Variants in CCDC93 observed in about 807,000 individuals in gnomAD.
CCDC93 encodes coiled-coil domain-containing protein 93.
CCDC93 carries 61 observed loss-of-function variants against 108.2 expected under a neutral mutation model. The observed-to-expected ratio is 0.56, with a 90% CI of 0.46 to 0.70. The LOEUF is 0.70. Among genes scored for constraint, CCDC93 ranks in the 30% least tolerant of loss-of-function variants. The pLI, the probability that CCDC93 is intolerant of heterozygous loss-of-function variation, is 0.00. For missense variants in CCDC93, 685 were observed against 764.2 expected, an observed-to-expected ratio of 0.90 and a Z score of 1.22; for synonymous variants, 276 against 260.4, an observed-to-expected ratio of 1.06 and a Z score of -0.58.
In CCDC93 at chr2:118,013,987, C is replaced by G. The variant is rs572505275; in HGVS notation, c.9G>C (p.Leu3Phe). Residue 3 changes from leucine (L) to phenylalanine (F), a missense_variant, in exon 1 of 24, where the codon TTG (leucine) becomes TTC (phenylalanine). By Grantham distance (22) the Leu-to-Phe change is conservative. Transcript: ENST00000376300. ...GACCCTGGCCCTCCGGCCCCCTGGGCAACCCCATGATCCGACCGGGCTGTC... is the reference window on the plus strand; with the variant it reads ...GACCCTGGCCCTCCGGCCCCCTGGGGAACCCCATGATCCGACCGGGCTGTC... MGLPRGPEGQGLP... is the reference protein window; with the variant it reads MGFPRGPEGQGLP... 3 of 1,595,562 alleles carry G rather than the reference C, an allele frequency of 1.9e-6. No individual in the cohort carries two copies. The highest frequency in any genetic ancestry group is 2.3e-5 in the East Asian group (1 of 43,372).
intron 7 of CCDC93, among the ~76,000 whole-genome samples, chr2:117,981,008 G>T (rs920172823): frequency 6.6e-6 from 1 of 152,138 alleles, no homozygotes; most frequent in African/African-American, 2.4e-5. Context: ...AGTTCATCCA[G>T]GTTGAAGCAT....
rs1679012414 is a variant in CCDC93, at chr2:117,950,310, G to C, written c.1069-915C>G. ...CAATTCTGATCTTAATAGTTACAGA[G>C]CAAGCAAAACTAGATACAATTAATG... On this transcript the variant is annotated intron_variant, in intron 13 of 23. Transcript: ENST00000376300. 7.1e-6 allele frequency: 7 copies of C among 984,980 alleles called. No individual in the cohort carries two copies. The South Asian group carries it at 3.3e-4, about 46-fold the overall frequency. The allele number at this position is 984,980 out of a possible 1,614,324, so 61.0% of individuals were successfully genotyped here. A position where few individuals can be genotyped will look rare whatever the true frequency, so the allele number is the denominator to read the frequency against.
At position 117,996,279 on chromosome 2, in the gene CCDC93, A is replaced by T. The variant is rs1198032036; in HGVS notation, c.447T>A (p.Thr149=). ...CAATACTGACCTCAGGGAGACTGTA[A>T]GTCTTCTGGAACTGGGATACAGAGT... ...RSYSVSQFQK[T]YSLPEDDDFI... Residue 149 remains threonine, a synonymous_variant, in exon 5 of 24, where the codon ACT becomes ACA. Coordinates refer to ENST00000376300, the MANE Select transcript of CCDC93 (RefSeq NM_019044.5). 4 of 1,609,240 alleles carry T rather than the reference A, an allele frequency of 2.5e-6. No homozygotes were observed. In the East Asian group the frequency reaches 8.9e-5, roughly 36 times the overall value.
chr2:117,978,147 T>C, intron 7 of CCDC93, 117 bp from the exon 8 acceptor site: 2 of 935,902 alleles, frequency 2.1e-6, no homozygotes, highest in Non-Finnish European at 3.4e-6. Flanking sequence ...TGCCATTTGG[T>C]GACTTGAGAA....
chr2:117,964,878 C>T (rs1296179443), intron 11 of CCDC93, among the ~76,000 whole-genome samples: 3 of 152,192 alleles, frequency 2.0e-5, no homozygotes, highest in South Asian at 2.1e-4. Context: ...GCTTGGATTA[C>T]AGGCGTGAGC....
chr2:117,943,889 A>G, intron 18 of CCDC93, 135 bp downstream of exon 18: 1 of 563,758 alleles, frequency 1.8e-6, no homozygotes, highest in Middle Eastern at 4.7e-4. Flanking sequence ...CTCCAGATAG[A>G]AAGAAGACTG....
chr2:117,961,470 T>G (rs1359156008), intron 11 of CCDC93, among the ~76,000 whole-genome samples: 1 of 152,208 alleles, frequency 6.6e-6, no homozygotes, highest in Non-Finnish European at 1.5e-5. Flanking sequence ...AGCTGCTTTG[T>G]TTAATGGGAA....
At chr2:117,985,038 C>T (rs1449086913) in intron 7 of CCDC93, among the ~76,000 whole-genome samples, 1 of 151,974 alleles carries the variant, frequency 6.6e-6, no homozygotes, top group African/African-American at 2.4e-5. Flanking sequence ...ACAGCAGCAA[C>T]TAGTGAACTG....
intron 11 of CCDC93, 31 bp from the exon 12 acceptor site, chr2:117,958,512 G>T (rs1219602192): frequency 1.6e-6 from 2 of 1,271,462 alleles, no homozygotes; most frequent in South Asian, 1.2e-5. Flanking sequence ...AAATCCAAAG[G>T]ATTTAGTTAG....
At chr2:117,995,991 T>C (rs1258915312) in intron 5 of CCDC93, among the ~76,000 whole-genome samples, 2 of 152,016 alleles carry the variant, frequency 1.3e-5, no homozygotes, top group East Asian at 3.8e-4. Flanking sequence ...TACTATAGGA[T>C]GTTCTGGGCA....
At chr2:117,946,616 C>T (rs535862181) in intron 16 of CCDC93, among the ~76,000 whole-genome samples, 195 bp downstream of exon 16, 3 of 152,320 alleles carry the variant, frequency 2.0e-5, no homozygotes, top group African/African-American at 7.2e-5. Flanking sequence ...CTTCCACACC[C>T]TCTGCTGCCT....
In CCDC93 at chr2:117,949,381, ACTG is replaced by A. The variant is rs1452135300; in HGVS notation, c.1080_1082del (p.Ser361del). On this transcript the variant is annotated inframe_deletion, in exon 14 of 24. Transcript: ENST00000376300. ...CTGCTTGCTCTTTGTCCAGTTTCTC[ACTG>A]TAAGTCTTCAGCTGCAAGAGAGAAT... is the stretch of plus-strand genomic sequence containing the variant. 6.2e-7 allele frequency: 1 copy of A among 1,613,180 alleles called. No individual in the cohort carries two copies. Among genetic ancestry groups the A allele is most frequent in the Admixed American group, 1.7e-5 (1 of 60,012 alleles).
intron 10 of CCDC93, among the ~76,000 whole-genome samples, chr2:117,974,289 T>C (rs1190506363): frequency 6.6e-6 from 1 of 152,064 alleles, no homozygotes; most frequent in Admixed American, 6.5e-5. Context: ...TCTCACCTCC[T>C]GAGAGTCACC....
chr2:117,985,944 A>C (rs951346642), intron 7 of CCDC93, 25 bp downstream of exon 7: 5 of 1,384,300 alleles, frequency 3.6e-6, no homozygotes, highest in Non-Finnish European at 5.1e-6. Context: ...TAAAAGAGAC[A>C]CCTAGACTGG....
chr2:117,953,742 A>AC (rs1417882415), intron 12 of CCDC93, among the ~76,000 whole-genome samples: 8 of 151,606 alleles, frequency 5.3e-5, no homozygotes, highest in Admixed American at 5.3e-4. Flanking sequence ...AAAAAAAAAA[A>AC]AAAATTAGCC....
Position 118,006,348 on chromosome 2 carries a change from C to A in CCDC93, c.251+374G>T, listed in dbSNP as rs182813296. 9.4e-4 allele frequency among the ~76,000 whole-genome samples: 143 copies of A among 152,300 alleles called. 1 individual carries two copies. The highest frequency in any genetic ancestry group is 1.0e-3 in the Non-Finnish European group (69 of 68,028). On this transcript the variant is annotated intron_variant, in intron 3 of 23. Coordinates refer to ENST00000376300, the MANE Select transcript of CCDC93 (RefSeq NM_019044.5). Reference sequence around the variant, plus strand: ...TGGTGAGCTGCTGTGCTACAAAAGACTGGGCAGGGTATGCTCAGGTGAGAT... The same window carrying A: ...TGGTGAGCTGCTGTGCTACAAAAGAATGGGCAGGGTATGCTCAGGTGAGAT...
chr2:117,923,047 T>C (rs1271125685), intron 23 of CCDC93, among the ~76,000 whole-genome samples: 1 of 151,876 alleles, frequency 6.6e-6, no homozygotes, highest in African/African-American at 2.4e-5. Context: ...AATTATTTTC[T>C]AAGACAATTT....
At chr2:117,964,910 A>C (rs538857918) in intron 11 of CCDC93, among the ~76,000 whole-genome samples, 23 of 152,158 alleles carry the variant, frequency 1.5e-4, no homozygotes, top group South Asian at 2.1e-4. Context: ...GCCCAGAATC[A>C]TTGCTAATGG....
At chr2:117,975,090 G>A in intron 9 of CCDC93, 98 bp downstream of exon 9, 1 of 1,122,494 alleles carries the variant, frequency 8.9e-7, no homozygotes, top group Non-Finnish European at 1.3e-6. Flanking sequence ...AGCTGGCTGT[G>A]GGAGGTGGTG....
Sources: gnomAD v4.1 joint callset for allele counts (sites outside exome capture counted in the v4.1 genomes callset) on GRCh38, gnomAD v4.1.1 for gene constraint, MANE v1.5 for transcripts, NCBI Gene and HGNC (gene_info 2026-07-23, HGNC 2026-07-21) for gene names.